Variants in ASIC5 observed in about 807,000 individuals in gnomAD.
ASIC5 encodes acid sensing ion channel subunit family member 5.
ASIC5 carries 52 observed loss-of-function variants against 51.2 expected under a neutral mutation model. The observed-to-expected ratio is 1.02, with a 90% CI of 0.81 to 1.28. The LOEUF (loss-of-function observed/expected upper bound fraction) is 1.28, where lower values mean the gene tolerates loss of function less well. Among genes scored for constraint, ASIC5 ranks in the 50% most tolerant of loss-of-function variants. The probability of loss-of-function intolerance (pLI) is 0.00; values close to 1 mark genes in which losing one functional copy is unlikely to be tolerated. For synonymous variants in ASIC5, 231 were observed against 200.7 expected (o/e 1.15, Z -1.28); for missense variants, 635 against 595.0 (o/e 1.07, Z -0.70).
Position 155,829,925 on chromosome 4 carries a change from A to T in ASIC5, c.1449T>A (p.Ser483=). The T allele has an allele frequency of 6.2e-7, 1 of 1,608,234 alleles. No individual in the cohort carries two copies. Among genetic ancestry groups the T allele is most frequent in the African/African-American group, 1.3e-5 (1 of 74,784 alleles). ...WICIFFLLKI[S]EMTQWTPPPQ... is the part of the protein sequence containing the mutation. ...GTGGAGGAGTCCACTGGGTCATTTC[A>T]GATATCTTCAGCAAAAAGAAAATGC... The change falls in exon 10 of 10, where the codon TCT becomes TCA. Residue 483 remains serine, a synonymous_variant. Transcript: ENST00000537611.
chr4:155,829,975 G>C lies in ASIC5; in HGVS notation c.1399C>G (p.Leu467Val), dbSNP rs1740838265. ...LITIIEIIEY[L>V]FTNFYWICIF... The stretch of plus-strand genomic sequence containing the variant: ...CATATCCAGTAGAAATTGGTGAATA[G>C]ATATTCAATAATTTCTATGATCGTG... Residue 467 changes from leucine (L) to valine (V), a missense_variant, in exon 10 of 10, where the codon CTA (leucine) becomes GTA (valine). Transcript: ENST00000537611. 6.2e-7 allele frequency: 1 copy of C among 1,600,404 alleles called. No homozygotes were observed. The highest frequency in any genetic ancestry group is 1.7e-5 in the Admixed American group (1 of 58,474).
At chr4:155,850,379 T>C (rs2111251568) in intron 4 of ASIC5, among the ~76,000 whole-genome samples, 1 of 152,164 alleles carries the variant, frequency 6.6e-6, no homozygotes, top group African/African-American at 2.4e-5. Context: ...GATATATTAA[T>C]TGATGTCTCA....
intron 2 of ASIC5, among the ~76,000 whole-genome samples, chr4:155,857,112 G>A (rs1273868970): frequency 6.6e-6 from 1 of 151,984 alleles, no homozygotes; most frequent in Non-Finnish European, 1.5e-5. Context: ...GTTTTGCACT[G>A]AGTTTATTTT....
chr4:155,848,871 T>C (rs1271303432), intron 4 of ASIC5, among the ~76,000 whole-genome samples: 1 of 152,134 alleles, frequency 6.6e-6, no homozygotes, highest in Admixed American at 6.6e-5. Context: ...TGCTGATCCT[T>C]TGTTTTGTTT....
chr4:155,831,241 A>G (rs1186530573), intron 9 of ASIC5, among the ~76,000 whole-genome samples: 1 of 152,132 alleles, frequency 6.6e-6, no homozygotes, highest in Non-Finnish European at 1.5e-5. Context: ...ACATTCTACA[A>G]AGTCACTTGA....
chr4:155,859,833 A>C (rs775244329), intron 2 of ASIC5, among the ~76,000 whole-genome samples: 4 of 152,022 alleles, frequency 2.6e-5, no homozygotes, highest in Non-Finnish European at 5.9e-5. Context: ...CAGAATGCAT[A>C]CTGGTGTGTA....
chr4:155,829,954 T>G lies in ASIC5; in HGVS notation c.1420A>C (p.Ile474Leu). Reference sequence around the variant, plus strand: ...ATCTTCAGCAAAAAGAAAATGCATATCCAGTAGAAATTGGTGAATAGATAT... The same window carrying G: ...ATCTTCAGCAAAAAGAAAATGCATAGCCAGTAGAAATTGGTGAATAGATAT... Reference protein sequence around the residue: ...IEYLFTNFYWICIFFLLKISE... With the variant: ...IEYLFTNFYWLCIFFLLKISE... Residue 474 changes from isoleucine to leucine, a missense_variant, in exon 10 of 10, where the codon ATA (isoleucine) becomes CTA (leucine). By Grantham distance (5) the Ile-to-Leu change is conservative. Coordinates refer to ENST00000537611, the MANE Select transcript of ASIC5 (RefSeq NM_017419.3). 6.2e-7 allele frequency: 1 copy of G among 1,605,776 alleles called. No individual in the cohort carries two copies. Among genetic ancestry groups the G allele is most frequent in the East Asian group, 2.2e-5 (1 of 44,482 alleles).
At chr4:155,833,972 T>TA (rs1579282028) in intron 8 of ASIC5, among the ~76,000 whole-genome samples, 1 of 152,196 alleles carries the variant, frequency 6.6e-6, no homozygotes, top group African/African-American at 2.4e-5. Flanking sequence ...AAATAGTTTC[T>TA]AAAAAAGCTT....
intron 5 of ASIC5, 81 bp from the exon 6 acceptor site, chr4:155,842,435 T>C: frequency 7.5e-7 from 1 of 1,339,080 alleles, no homozygotes; most frequent in Non-Finnish European, 1.0e-6. Context: ...TGGTACACAT[T>C]TTTATTTTCC....
chr4:155,860,574 C>T (rs1741676694), intron 2 of ASIC5, among the ~76,000 whole-genome samples: 1 of 151,724 alleles, frequency 6.6e-6, no homozygotes, highest in South Asian at 2.1e-4. Context: ...ACCTTTCATG[C>T]CTGTAAACTG....
intron 8 of ASIC5, among the ~76,000 whole-genome samples, chr4:155,833,044 G>T (rs1339129725): frequency 6.6e-6 from 1 of 152,124 alleles, no homozygotes; most frequent in East Asian, 1.9e-4. Context: ...ATATACAGTG[G>T]TCACCAATTT....
chr4:155,847,403 C>T (rs964782455), intron 4 of ASIC5, among the ~76,000 whole-genome samples: 3 of 151,862 alleles, frequency 2.0e-5, no homozygotes, highest in Non-Finnish European at 4.4e-5. Context: ...ATCTTCAGGC[C>T]CCACAGCAGA....
chr4:155,863,197 T>A (rs891974694), intron 2 of ASIC5, among the ~76,000 whole-genome samples: 1 of 151,968 alleles, frequency 6.6e-6, no homozygotes, highest in Non-Finnish European at 1.5e-5. Context: ...TATTTAATGA[T>A]AGGATTTGGG....
chr4:155,850,141 A>C (rs1308077613), intron 4 of ASIC5, among the ~76,000 whole-genome samples: 1 of 151,924 alleles, frequency 6.6e-6, no homozygotes, highest in Non-Finnish European at 1.5e-5. Flanking sequence ...GGGAATGGGA[A>C]AGGAAATTAT....
rs774592709 is a variant in ASIC5 at position 155,852,172 on chromosome 4, C to T, written c.711+19G>A. On this transcript the variant is annotated intron_variant, in intron 4 of 9. Coordinates refer to ENST00000537611, the MANE Select transcript of ASIC5 (RefSeq NM_017419.3). ...CCCACACATTCTCGTTTGTCTTGAA[C>T]CTGGAGAAAATTCAGTACCTGATTC... 4 of 1,611,614 alleles carry T rather than the reference C, an allele frequency of 2.5e-6. No individual in the cohort carries two copies. In the South Asian group the frequency reaches 3.3e-5, roughly 13 times the overall value.
chr4:155,865,701 T>G (rs1741845315), intron 1 of ASIC5, among the ~76,000 whole-genome samples: 1 of 152,148 alleles, frequency 6.6e-6, no homozygotes, highest in South Asian at 2.1e-4. Context: ...ATTATTGTTT[T>G]AGGTAAATGT....
chr4:155,856,949 A>G (rs1467936969), intron 2 of ASIC5, among the ~76,000 whole-genome samples: 1 of 152,056 alleles, frequency 6.6e-6, no homozygotes, highest in Non-Finnish European at 1.5e-5. Context: ...GGCATCTTAA[A>G]ATATTTTTAA....
chr4:155,854,432 T>C (rs1741474831), intron 2 of ASIC5, 118 bp from the exon 3 acceptor site: 2 of 785,804 alleles, frequency 2.5e-6, no homozygotes, highest in Non-Finnish European at 4.1e-6. Flanking sequence ...CTCCCTTATT[T>C]GCAAGACATT....
chr4:155,858,400 G>C (rs1277428906), intron 2 of ASIC5, among the ~76,000 whole-genome samples: 1 of 151,988 alleles, frequency 6.6e-6, no homozygotes, highest in Non-Finnish European at 1.5e-5. Context: ...GCTGTGCTAT[G>C]GAACATCAAT....
Sources: gnomAD v4.1 joint callset for allele counts (sites outside exome capture counted in the v4.1 genomes callset) on GRCh38, gnomAD v4.1.1 for gene constraint, MANE v1.5 for transcripts, NCBI Gene and HGNC (gene_info 2026-07-23, HGNC 2026-07-21) for gene names.